The following ERC2 variants were observed in gnomAD, a reference collection of about 807,000 sequenced individuals.
The protein encoded by ERC2 is ELKS/RAB6-interacting/CAST family member 2.
Under a neutral mutation model 114.8 loss-of-function variants are expected in ERC2, and 42 were observed. That is an observed-to-expected ratio of 0.37 (90% CI 0.29 to 0.47). ERC2 has a LOEUF of 0.47. ERC2 is among the 20% of genes least tolerant of loss of function. The pLI is 0.99. For missense variants in ERC2, 939 were observed against 1,150.7 expected, an observed-to-expected ratio of 0.82 and a Z score of 2.66; for synonymous variants, 454 against 425.5, an observed-to-expected ratio of 1.07 and a Z score of -0.82.
chr3:55,710,146 C>T (rs1320797397), intron 15 of ERC2, among the ~76,000 whole-genome samples: 1 of 152,084 alleles, frequency 6.6e-6, no homozygotes, highest in Non-Finnish European at 1.5e-5. Context: ...ACACTTGGAG[C>T]TCACCCTAAC....
At chr3:56,103,405 G>T (rs1477288330) in intron 6 of ERC2, among the ~76,000 whole-genome samples, 1 of 152,142 alleles carries the variant, frequency 6.6e-6, no homozygotes, top group Admixed American at 6.5e-5. Flanking sequence ...ATGTAATGGA[G>T]CCAAAAGTGT....
chr3:56,310,147 C>G (rs1261913790), intron 2 of ERC2, among the ~76,000 whole-genome samples: 2 of 152,142 alleles, frequency 1.3e-5, no homozygotes, highest in Non-Finnish European at 2.9e-5. Flanking sequence ...CCACAACCAA[C>G]TAAAGGATAA....
At chr3:56,302,598 C>G (rs2055955261) in intron 2 of ERC2, among the ~76,000 whole-genome samples, 1 of 152,192 alleles carries the variant, frequency 6.6e-6, no homozygotes, top group Non-Finnish European at 1.5e-5. Flanking sequence ...TCAATTTCCT[C>G]CTCCAGAGGG....
intron 12 of ERC2, among the ~76,000 whole-genome samples, chr3:55,954,360 TCAA>T (rs969472497): frequency 6.6e-6 from 1 of 152,126 alleles, no homozygotes; most frequent in African/African-American, 2.4e-5. Flanking sequence ...AGGTTCAAGG[TCAA>T]CAATGACTAC....
intron 15 of ERC2, among the ~76,000 whole-genome samples, chr3:55,724,988 A>G (rs1051521862): frequency 6.6e-6 from 1 of 152,232 alleles, no homozygotes; most frequent in Admixed American, 6.5e-5. Flanking sequence ...TTAAAGAATA[A>G]ATGTTTAAAA....
intron 3 of ERC2, among the ~76,000 whole-genome samples, chr3:56,187,475 A>G (rs192800594): frequency 1.6e-3 from 237 of 152,314 alleles, no homozygotes; most frequent in African/African-American, 5.5e-3. Flanking sequence ...AGTGGCTTTA[A>G]AACTTATTTT....
At chr3:55,858,597 C>G (rs1360531442) in intron 14 of ERC2, among the ~76,000 whole-genome samples, 4 of 152,202 alleles carry the variant, frequency 2.6e-5, no homozygotes, top group Admixed American at 2.6e-4. Context: ...TGTGTCCTAT[C>G]TTAAAGTGCT....
At chr3:55,597,388 C>A (rs1447435887) in intron 17 of ERC2, among the ~76,000 whole-genome samples, 1 of 150,460 alleles carries the variant, frequency 6.6e-6, no homozygotes, top group African/African-American at 2.5e-5. Context: ...CCACTGCACT[C>A]CAGCCTGGGT....
At chr3:56,412,656 T>C (rs1053932217) in intron 2 of ERC2, among the ~76,000 whole-genome samples, 3 of 152,166 alleles carry the variant, frequency 2.0e-5, no homozygotes, top group Non-Finnish European at 4.4e-5. Context: ...ACCACCTGGG[T>C]TGGCTTCCAT....
chr3:56,321,222 T>C (rs1033036614), intron 2 of ERC2, among the ~76,000 whole-genome samples: 1 of 152,058 alleles, frequency 6.6e-6, no homozygotes, highest in Non-Finnish European at 1.5e-5. Context: ...AGAAGACAAA[T>C]AGGGTAACTT....
chr3:55,555,375 A>G (rs929855146), intron 17 of ERC2, among the ~76,000 whole-genome samples: 2 of 152,216 alleles, frequency 1.3e-5, no homozygotes, highest in Non-Finnish European at 2.9e-5. Flanking sequence ...AGTGAAGCTG[A>G]GTCCTGAGCA....
intron 13 of ERC2, among the ~76,000 whole-genome samples, chr3:55,917,316 G>C (rs1479559109): frequency 6.6e-6 from 1 of 152,050 alleles, no homozygotes; most frequent in African/African-American, 2.4e-5. Context: ...CCTTATAATG[G>C]CCAAAAGCAG....
intron 3 of ERC2, among the ~76,000 whole-genome samples, chr3:56,237,853 A>G (rs2051057209): frequency 6.6e-6 from 1 of 150,730 alleles, no homozygotes; most frequent in Admixed American, 6.6e-5. Flanking sequence ...AATGTGAATT[A>G]TACCCTATTT....
At chr3:55,936,926 G>A (rs1218511612) in intron 13 of ERC2, among the ~76,000 whole-genome samples, 1 of 152,206 alleles carries the variant, frequency 6.6e-6, no homozygotes, top group Non-Finnish European at 1.5e-5. Flanking sequence ...TAGGAGGCAA[G>A]TACTACCATC....
chr3:56,158,754 A>T (rs895841437), intron 4 of ERC2, among the ~76,000 whole-genome samples: 5 of 152,152 alleles, frequency 3.3e-5, no homozygotes, highest in Non-Finnish European at 5.9e-5. Flanking sequence ...CCAAGAATTT[A>T]AAAAATAGGG....
At chr3:56,448,871 C>T (rs546110148) in intron 1 of ERC2, among the ~76,000 whole-genome samples, 8 of 152,002 alleles carry the variant, frequency 5.3e-5, no homozygotes, top group East Asian at 1.9e-4. Flanking sequence ...GTCAGGAGAT[C>T]GAGACCATCC....
intron 13 of ERC2, among the ~76,000 whole-genome samples, chr3:55,900,557 G>A (rs2064078106): frequency 1.3e-5 from 2 of 152,168 alleles, no homozygotes; most frequent in African/African-American, 4.8e-5. Flanking sequence ...CTTGGCTCTG[G>A]AAGAGACACC....
At chr3:55,933,937 T>G (rs1383722652) in intron 13 of ERC2, among the ~76,000 whole-genome samples, 1 of 152,184 alleles carries the variant, frequency 6.6e-6, no homozygotes, top group African/African-American at 2.4e-5. Context: ...CAGTGGCCAC[T>G]TTGGTGCCTA....
chr3:55,733,526 ATTCTTTCTCTCTCTCT>A (rs2065414254), intron 15 of ERC2, among the ~76,000 whole-genome samples: 2 of 30,822 alleles, frequency 6.5e-5, no homozygotes, highest in African/African-American at 2.0e-4. Flanking sequence ...TCTGTCTCTC[ATTCTTTCTCTCTCTCT>A]CACACACACA....
Sources: allele counts gnomAD v4.1 joint callset (sites outside exome capture counted in the v4.1 genomes callset), GRCh38; gene constraint gnomAD v4.1.1; transcripts MANE v1.5; gene names NCBI Gene and HGNC (gene_info 2026-07-23, HGNC 2026-07-21).